MTUS2: variants seen among roughly 807,000 people sequenced by gnomAD.
The protein encoded by MTUS2 is microtubule associated scaffold protein 2, also known as microtubule-associated tumor suppressor candidate 2.
A neutral mutation model predicts 114.1 loss-of-function variants in MTUS2; 40 were observed. The observed-to-expected ratio is 0.35, with a 90% confidence interval of 0.27 to 0.46. MTUS2 has a LOEUF of 0.46. MTUS2 is among the 20% of genes least tolerant of loss of function. The pLI is 1.00. For synonymous variants in MTUS2, 688 were observed against 672.0 expected (o/e 1.02, Z -0.37); for missense variants, 1,679 against 1,705.4 (o/e 0.98, Z 0.27).
chr13:29,248,871 C>A (rs1897022279), intron 5 of MTUS2, among the ~76,000 whole-genome samples: 1 of 152,158 alleles, frequency 6.6e-6, no homozygotes. Flanking sequence ...TTTATCCAGT[C>A]TAGAATTGAT....
At chr13:29,440,446 G>A (rs1877752529) in intron 9 of MTUS2, among the ~76,000 whole-genome samples, 1 of 152,156 alleles carries the variant, frequency 6.6e-6, no homozygotes, top group Non-Finnish European at 1.5e-5. Context: ...CTAGAACAAG[G>A]TCAAAAGCAC....
intron 4 of MTUS2, among the ~76,000 whole-genome samples, chr13:29,038,196 C>CT (rs1225881588): frequency 1.3e-5 from 2 of 152,170 alleles, no homozygotes; most frequent in Non-Finnish European, 2.9e-5. Flanking sequence ...GATGGGACAT[C>CT]TTTTTTGTTG....
chr13:29,259,203 C>T (rs1042011018), intron 5 of MTUS2, among the ~76,000 whole-genome samples: 11 of 152,178 alleles, frequency 7.2e-5, no homozygotes, highest in Admixed American at 1.3e-4. Context: ...GATAGTTCTG[C>T]CCCCGCACAG....
intron 2 of MTUS2, among the ~76,000 whole-genome samples, chr13:28,845,545 A>T (rs1360473336): frequency 6.6e-6 from 1 of 152,182 alleles, no homozygotes; most frequent in Non-Finnish European, 1.5e-5. Flanking sequence ...AAGGAGAGAC[A>T]CTTCATTTAA....
At chr13:29,253,045 C>G (rs1408588782) in intron 5 of MTUS2, among the ~76,000 whole-genome samples, 1 of 151,102 alleles carries the variant, frequency 6.6e-6, no homozygotes, top group African/African-American at 2.4e-5. Flanking sequence ...AAAGGTGTCT[C>G]TTTGGGACTT....
At chr13:29,325,487 A>AGGG (rs1460957029) in intron 7 of MTUS2, among the ~76,000 whole-genome samples, 1 of 122,400 alleles carries the variant, frequency 8.2e-6, no homozygotes. Flanking sequence ...AAGAAGAGGA[A>AGGG]GAGGGAGGAG....
chr13:29,221,383 A>G (rs1895901809), intron 5 of MTUS2, among the ~76,000 whole-genome samples: 1 of 152,210 alleles, frequency 6.6e-6, no homozygotes, highest in African/African-American at 2.4e-5. Context: ...ATTTTTGGTG[A>G]TAGTTGTTAT....
chr13:29,129,663 G>T (rs959976344), intron 5 of MTUS2, among the ~76,000 whole-genome samples: 2 of 152,116 alleles, frequency 1.3e-5, no homozygotes, highest in African/African-American at 4.8e-5. Flanking sequence ...TTCTAAAGAT[G>T]ACTTTTTATT....
chr13:29,198,987 T>C (rs1347927269), intron 5 of MTUS2, among the ~76,000 whole-genome samples: 1 of 152,224 alleles, frequency 6.6e-6, no homozygotes, highest in East Asian at 1.9e-4. Flanking sequence ...TGGGGTTTTC[T>C]AAATATACAA....
intron 2 of MTUS2, among the ~76,000 whole-genome samples, chr13:29,016,631 A>G (rs1432563317): frequency 6.6e-6 from 1 of 151,804 alleles, no homozygotes; most frequent in Non-Finnish European, 1.5e-5. Flanking sequence ...TTTCTACCCT[A>G]CTCTTCTTTA....
intron 5 of MTUS2, among the ~76,000 whole-genome samples, chr13:29,233,284 T>G (rs1327487174): frequency 1.3e-5 from 2 of 151,034 alleles, no homozygotes; most frequent in African/African-American, 4.9e-5. Context: ...CCTAGCACAG[T>G]TGGACATAGG....
intron 6 of MTUS2, among the ~76,000 whole-genome samples, chr13:29,297,314 T>A (rs1898991089): frequency 6.6e-6 from 1 of 152,252 alleles, no homozygotes; most frequent in Admixed American, 6.5e-5. Context: ...AAAAATATTT[T>A]ATGAAAGTCG....
chr13:29,335,685 T>C (rs1030363297), intron 7 of MTUS2, among the ~76,000 whole-genome samples: 1 of 152,134 alleles, frequency 6.6e-6, no homozygotes, highest in African/African-American at 2.4e-5. Flanking sequence ...TTAGGGAAAA[T>C]AGAAAAGAAC....
intron 5 of MTUS2, among the ~76,000 whole-genome samples, chr13:29,178,749 T>G (rs1395548633): frequency 6.6e-6 from 1 of 152,230 alleles, no homozygotes; most frequent in Non-Finnish European, 1.5e-5. Flanking sequence ...ATGTAGATTT[T>G]AAGTCTCCCC....
intron 9 of MTUS2, among the ~76,000 whole-genome samples, chr13:29,470,642 G>A (rs112426716): frequency 4.8e-4 from 73 of 152,332 alleles, no homozygotes; most frequent in Non-Finnish European, 9.1e-4. Flanking sequence ...CTGTTATCCC[G>A]TTTGATACTC....
chr13:28,869,521 C>T (rs1049339032), intron 2 of MTUS2, among the ~76,000 whole-genome samples: 1 of 152,100 alleles, frequency 6.6e-6, no homozygotes, highest in Non-Finnish European at 1.5e-5. Flanking sequence ...ACCTGTAATC[C>T]CAGCACTTTG....
At chr13:29,270,321 C>A (rs577527860) in intron 5 of MTUS2, among the ~76,000 whole-genome samples, 3 of 152,214 alleles carry the variant, frequency 2.0e-5, no homozygotes, top group Non-Finnish European at 4.4e-5. Context: ...TAAAGCACCC[C>A]CCTCAGGAGG....
chr13:29,111,394 A>G (rs1890878213), intron 5 of MTUS2, among the ~76,000 whole-genome samples: 1 of 152,130 alleles, frequency 6.6e-6, no homozygotes, highest in South Asian at 2.1e-4. Flanking sequence ...TCTTGCTCTT[A>G]CCCTCTCTCT....
intron 6 of MTUS2, among the ~76,000 whole-genome samples, chr13:29,319,173 G>A (rs372239283): frequency 3.9e-5 from 6 of 152,284 alleles, no homozygotes; most frequent in African/African-American, 1.2e-4. Flanking sequence ...TTCTCTGGCC[G>A]GCATTGTATT....
Sources: gnomAD v4.1 joint callset for allele counts (sites outside exome capture counted in the v4.1 genomes callset) on GRCh38, gnomAD v4.1.1 for gene constraint, MANE v1.5 for transcripts, NCBI Gene and HGNC (gene_info 2026-07-23, HGNC 2026-07-21) for gene names.